Variants in PPP1R42 observed in about 807,000 individuals in gnomAD.
The protein encoded by PPP1R42 is leucine rich repeat containing 67.
Under a neutral mutation model 31.0 loss-of-function variants are expected in PPP1R42, and 34 were observed. The observed-to-expected ratio is 1.10, with a 90% CI of 0.83 to 1.46. PPP1R42 has a LOEUF of 1.46. Ranked by LOEUF, PPP1R42 falls within the 40% of genes most tolerant of loss-of-function variation. The pLI is 0.00. For missense variants in PPP1R42, 268 were observed against 303.0 expected (o/e 0.88, Z 0.86); for synonymous variants, 103 against 109.8 (o/e 0.94, Z 0.39).
intron 7 of PPP1R42, chr8:66,968,587 G>T: frequency 1.7e-6 from 1 of 583,884 alleles, no homozygotes; most frequent in Non-Finnish European, 2.2e-6. Flanking sequence ...TGTTCTTTGT[G>T]TTTAGGCTGA....
In PPP1R42 at chr8:67,009,940, C is replaced by T. The variant is rs577291434; in HGVS notation, c.552+775G>A. The stretch of plus-strand genomic sequence containing the variant: ...GAAGCTCATTCTCCTTCCTGTGGTT[C>T]GTATGTCAAGAAATTATACCACAGC... On this transcript the variant is annotated intron_variant, in intron 5 of 7. Coordinates refer to ENST00000685739, the MANE Select transcript of PPP1R42 (RefSeq NM_001364910.1). 1.1e-4 allele frequency among the ~76,000 whole-genome samples: 16 copies of T among 152,256 alleles called. No individual in the cohort carries two copies. The East Asian group carries it at 2.9e-3, about 28-fold the overall frequency.
chr8:66,971,136 G>C (rs1326178472), intron 7 of PPP1R42: 12 of 1,504,486 alleles, frequency 8.0e-6, no homozygotes, highest in Non-Finnish European at 1.1e-5. Flanking sequence ...TTGTTTTGAA[G>C]TTACCTGTAG....
chr8:66,970,925 A>C (rs1426748461), intron 7 of PPP1R42: 18 of 1,241,424 alleles, frequency 1.4e-5, no homozygotes, highest in Non-Finnish European at 2.0e-5. Context: ...TTTACTGTGA[A>C]GATGTCTCCT....
intron 6 of PPP1R42, chr8:66,985,156 T>C: frequency 2.6e-6 from 3 of 1,146,950 alleles, no homozygotes; most frequent in Non-Finnish European, 4.0e-6. Flanking sequence ...TTGAGCTGCT[T>C]GTGAAATCTC....
chr8:67,016,827 C>CA (rs1255731905), intron 2 of PPP1R42, among the ~76,000 whole-genome samples: 2 of 152,154 alleles, frequency 1.3e-5, no homozygotes, highest in African/African-American at 4.8e-5. Flanking sequence ...ATGCTGTACC[C>CA]AATATGTAGT....
At chr8:66,970,519 C>T (rs1388713591) in intron 7 of PPP1R42, among the ~76,000 whole-genome samples, 1 of 152,210 alleles carries the variant, frequency 6.6e-6, no homozygotes, top group Non-Finnish European at 1.5e-5. Context: ...CTGCCTCCTT[C>T]AGAGACAACA....
intron 7 of PPP1R42, among the ~76,000 whole-genome samples, chr8:66,969,891 A>G (rs1814494859): frequency 6.6e-6 from 1 of 152,200 alleles, no homozygotes; most frequent in African/African-American, 2.4e-5. Flanking sequence ...TGTATTGATT[A>G]TAAATGAAAA....
intron 5 of PPP1R42, 22 bp from the exon 6 acceptor site, chr8:66,988,539 C>T (rs749272724): frequency 6.3e-7 from 1 of 1,585,018 alleles, no homozygotes; most frequent in Non-Finnish European, 8.6e-7. Context: ...GAAGAAAAAG[C>T]AAAGCACAAG....
intron 7 of PPP1R42, among the ~76,000 whole-genome samples, chr8:66,976,864 A>G (rs1814690939): frequency 6.6e-6 from 1 of 152,296 alleles, no homozygotes; most frequent in East Asian, 1.9e-4. Flanking sequence ...TGCAACAAAC[A>G]TGAGGGTGTG....
At chr8:66,986,354 T>G (rs1386714103) in intron 6 of PPP1R42, among the ~76,000 whole-genome samples, 1 of 152,128 alleles carries the variant, frequency 6.6e-6, no homozygotes, top group East Asian at 1.9e-4. Flanking sequence ...TTAGTGCCAT[T>G]TTTCAGGAAA....
At chr8:67,003,389 CTTTTTTTT>C (rs5892069) in intron 5 of PPP1R42, among the ~76,000 whole-genome samples, 13 of 32,908 alleles carry the variant, frequency 4.0e-4, no homozygotes, top group Non-Finnish European at 6.5e-4. Flanking sequence ...TTTCATGCTT[CTTTTTTTT>C]TTTTTTTTTT....
chr8:67,001,557 T>C (rs1815492109), intron 5 of PPP1R42, among the ~76,000 whole-genome samples: 1 of 151,838 alleles, frequency 6.6e-6, no homozygotes. Context: ...GACATTTGAG[T>C]TTCCCTTATT....
At chr8:67,024,716 A>T (rs1467095632) in intron 1 of PPP1R42, among the ~76,000 whole-genome samples, 1 of 151,696 alleles carries the variant, frequency 6.6e-6, no homozygotes, top group East Asian at 1.9e-4. Context: ...AGACCTCGTG[A>T]TCCACCCACC....
chr8:67,011,989 G>T (rs1014495536), intron 4 of PPP1R42, among the ~76,000 whole-genome samples: 7 of 152,094 alleles, frequency 4.6e-5, no homozygotes, highest in African/African-American at 1.7e-4. Flanking sequence ...AAACTGATGA[G>T]GCCGGGCACG....
chr8:66,988,802 T>C (rs1815103583), intron 5 of PPP1R42, among the ~76,000 whole-genome samples: 1 of 152,174 alleles, frequency 6.6e-6, no homozygotes, highest in Admixed American at 6.5e-5. Flanking sequence ...GAAAAAACTT[T>C]TTCCTGCAGA....
At chr8:67,024,935 ATTTTT>A (rs111426449) in intron 1 of PPP1R42, among the ~76,000 whole-genome samples, 1 of 133,798 alleles carries the variant, frequency 7.5e-6, no homozygotes. Flanking sequence ...TAGGATTTTA[ATTTTT>A]TTTTTTTTTT....
chr8:67,025,152 C>A (rs766321529), intron 1 of PPP1R42, among the ~76,000 whole-genome samples: 28 of 151,430 alleles, frequency 1.8e-4, no homozygotes, highest in Non-Finnish European at 4.1e-4. Context: ...ACTATGTTGC[C>A]AAGGCTGGTC....
intron 1 of PPP1R42, among the ~76,000 whole-genome samples, chr8:67,023,926 C>T (rs890926839): frequency 1.3e-5 from 2 of 151,562 alleles, no homozygotes; most frequent in East Asian, 1.9e-4. Flanking sequence ...GGGCAGATCA[C>T]GAGGCCAAGA....
At chr8:66,971,155 GAAAT>G (rs1439783002) in intron 7 of PPP1R42, 96 of 1,463,650 alleles carry the variant, frequency 6.6e-5, no homozygotes, top group Non-Finnish European at 8.2e-5. Context: ...AGCACACAAA[GAAAT>G]AAAAGCATTC....
Sources: gnomAD v4.1 joint callset for allele counts (sites outside exome capture counted in the v4.1 genomes callset) on GRCh38, gnomAD v4.1.1 for gene constraint, MANE v1.5 for transcripts, NCBI Gene and HGNC (gene_info 2026-07-23, HGNC 2026-07-21) for gene names.